Variants in ACSM3 observed in about 807,000 individuals in gnomAD.
The protein encoded by ACSM3 is acyl-CoA synthetase medium chain family member 3.
ACSM3 carries 61 observed loss-of-function variants against 74.1 expected under a neutral mutation model. The observed-to-expected ratio is 0.82, with a 90% CI of 0.67 to 1.02. The LOEUF (loss-of-function observed/expected upper bound fraction) is 1.02. Among genes scored for constraint, ACSM3 ranks in the 50% least tolerant of loss-of-function variants. The probability of loss-of-function intolerance (pLI) is 0.00; values close to 1 mark genes in which losing one functional copy is unlikely to be tolerated. For missense variants in ACSM3, 660 were observed against 697.0 expected (o/e 0.95, Z 0.60); for synonymous variants, 213 against 241.5 (o/e 0.88, Z 1.09).
intron 1 of ACSM3, among the ~76,000 whole-genome samples, chr16:20,713,110 C>A (rs1191982519): frequency 6.6e-6 from 1 of 152,118 alleles, no homozygotes; most frequent in Non-Finnish European, 1.5e-5. Context: ...AGCTGTGTAA[C>A]CTTGGATAAG....
upstream of ACSM3, among the ~76,000 whole-genome samples, chr16:20,762,223 G>A (rs149420464): frequency 1.9e-4 from 29 of 152,082 alleles, no homozygotes; most frequent in East Asian, 3.7e-3. Context: ...TTGTAGATCC[G>A]TATGGATTCA....
chr16:20,775,427 G>A (rs1203885366), intron 2 of ACSM3, among the ~76,000 whole-genome samples: 2 of 152,192 alleles, frequency 1.3e-5, no homozygotes, highest in Non-Finnish European at 2.9e-5. Flanking sequence ...TGATGGGAAT[G>A]TGTACTGCTG....
At chr16:20,750,844 G>GTTTTTTTT (rs59655300) in intron 2 of ACSM3, among the ~76,000 whole-genome samples, 19,837 of 114,470 alleles carry the variant, frequency 0.17, 2,339 homozygotes, top group African/African-American at 0.22. Flanking sequence ...TTGGAGTCAG[G>GTTTTTTTT]TTTTTTTTTT....
chr16:20,764,498 C>T (rs1468471223), intron 1 of ACSM3, among the ~76,000 whole-genome samples: 1 of 152,090 alleles, frequency 6.6e-6, no homozygotes, highest in Non-Finnish European at 1.5e-5. Context: ...TGGGCAGATG[C>T]AGATCACTTG....
At chr16:20,724,564 C>T (rs548715573) in intron 1 of ACSM3, among the ~76,000 whole-genome samples, 1 of 152,110 alleles carries the variant, frequency 6.6e-6, no homozygotes, top group Non-Finnish European at 1.5e-5. Context: ...AAAGGGCATT[C>T]AATTAGGAAA....
intron 1 of ACSM3, among the ~76,000 whole-genome samples, chr16:20,747,661 C>A (rs2079963434): frequency 6.6e-6 from 1 of 152,198 alleles, no homozygotes; most frequent in African/African-American, 2.4e-5. Context: ...TTCTTACTTT[C>A]ACTTCAGTCA....
At chr16:20,741,963 C>T in intron 1 of ACSM3, 1 of 1,529,702 alleles carries the variant, frequency 6.5e-7, no homozygotes, top group Non-Finnish European at 8.7e-7. Flanking sequence ...CTCCCGACTG[C>T]AACCTGAATC....
At chr16:20,742,210 AT>A (rs368157903) in intron 1 of ACSM3, 591 of 397,422 alleles carry the variant, frequency 1.5e-3, no homozygotes, top group Non-Finnish European at 2.0e-3. Context: ...TGAGGCATTC[AT>A]TCATCCAGCA....
At chr16:20,745,690 C>G (rs1442868836) in intron 1 of ACSM3, among the ~76,000 whole-genome samples, 1 of 152,152 alleles carries the variant, frequency 6.6e-6, no homozygotes, top group Non-Finnish European at 1.5e-5. Flanking sequence ...TTTAATTAAC[C>G]TATTTGCTTC....
intron 1 of ACSM3, chr16:20,741,497 C>T (rs1241429945): frequency 3.5e-6 from 5 of 1,430,164 alleles, no homozygotes; most frequent in Non-Finnish European, 3.7e-6. Flanking sequence ...CCGCCCACCC[C>T]GGGACCGGTA....
intron 1 of ACSM3, among the ~76,000 whole-genome samples, chr16:20,718,007 A>AGAG: frequency 6.7e-6 from 1 of 148,758 alleles, no homozygotes; most frequent in East Asian, 2.0e-4. Context: ...AAGAAGAAGA[A>AGAG]GAAGAAGAAG....
At chr16:20,743,455 T>C (rs1229261379) in intron 1 of ACSM3, among the ~76,000 whole-genome samples, 1 of 152,220 alleles carries the variant, frequency 6.6e-6, no homozygotes, top group Non-Finnish European at 1.5e-5. Context: ...TAAAAATCAT[T>C]GAAGATGCCA....
chr16:20,719,134 T>C (rs938693798), intron 1 of ACSM3: 1 of 154,522 alleles, frequency 6.5e-6, no homozygotes, highest in African/African-American at 2.4e-5. Flanking sequence ...CCCTTAAGGT[T>C]TGGGGGCAAG....
intron 1 of ACSM3, among the ~76,000 whole-genome samples, chr16:20,686,040 C>G (rs1286332762): frequency 6.6e-6 from 1 of 151,840 alleles, no homozygotes; most frequent in East Asian, 1.9e-4. Context: ...CTTAGTTTCT[C>G]CTCAATAAAA....
intron 1 of ACSM3, chr16:20,703,127 G>A (rs911591676): frequency 6.6e-6 from 1 of 152,282 alleles, no homozygotes; most frequent in Non-Finnish European, 1.5e-5. Context: ...GGCTGTAGAT[G>A]TATAGTGTTA....
At chr16:20,736,751 A>G in intron 1 of ACSM3, 1 of 903,808 alleles carries the variant, frequency 1.1e-6, no homozygotes, top group East Asian at 2.6e-5. Flanking sequence ...ATCATTGCTC[A>G]CTACTGTGAG....
In ACSM3 at chr16:20,722,401, T is replaced by C. The variant is rs559079791; in HGVS notation, c.-189-27509T>C. On this transcript the variant is annotated intron_variant, in intron 1 of 3. Transcript: ENST00000561584. ...ACATGGTGGCATGAGTTAGCAGTTC[T>C]AGCACACTTTTAAGGGACATAGTGG... 5.3e-5 allele frequency: 8 copies of C among 152,322 alleles called. No individual in the cohort carries two copies. The East Asian group carries it at 1.4e-3, about 26-fold the overall frequency. The allele number at this position is 152,322 out of a possible 1,614,324, so 9.4% of individuals were successfully genotyped here.
At chr16:20,706,255 A>G (rs558739712) in intron 1 of ACSM3, among the ~76,000 whole-genome samples, 7 of 152,340 alleles carry the variant, frequency 4.6e-5, no homozygotes, top group Non-Finnish European at 1.0e-4. Flanking sequence ...AAAAAAAACA[A>G]TACTTAGGCA....
chr16:20,742,180 A>C, intron 1 of ACSM3: 1 of 627,116 alleles, frequency 1.6e-6, no homozygotes, highest in East Asian at 6.8e-5. Flanking sequence ...CAAGTCCCGT[A>C]ACAGGTTGCA....
Sources: allele counts gnomAD v4.1 joint callset (sites outside exome capture counted in the v4.1 genomes callset), GRCh38; gene constraint gnomAD v4.1.1; transcripts MANE v1.5; gene names NCBI Gene and HGNC (gene_info 2026-07-23, HGNC 2026-07-21).